SORCS1: variants seen among roughly 807,000 people sequenced by gnomAD.
SORCS1 encodes sortilin related VPS10 domain containing receptor 1, also known as VPS10 domain-containing receptor SorCS1.
A neutral mutation model predicts 146.1 loss-of-function variants in SORCS1; 60 were observed. The ratio of observed to expected loss-of-function variants is 0.41; its 90% CI spans 0.33 to 0.51. The LOEUF is 0.51. Among genes scored for constraint, SORCS1 ranks in the 20% least tolerant of loss-of-function variants. The pLI is 0.21. For missense variants in SORCS1, 1,352 were observed against 1,487.6 expected, an observed-to-expected ratio of 0.91 and a Z score of 1.50; for synonymous variants, 637 against 584.0, an observed-to-expected ratio of 1.09 and a Z score of -1.31.
At position 106,620,537 on chromosome 10, in the gene SORCS1, G is replaced by C. The variant is rs1362528668; in HGVS notation, c.2687C>G (p.Ser896Cys). The change falls in exon 20 of 26, where the codon TCT becomes TGT. Residue 896 changes from serine (S) to cysteine (C), a missense_variant. Ser to Cys is a moderately radical substitution (Grantham distance 112, BLOSUM62 -1). Around this residue, in one of 3 missense-constraint regions of SORCS1, gnomAD observed 648 missense variants for 793.8 expected, o/e 0.82. Transcript: ENST00000263054. Reference protein sequence around the residue: ...VTCPLEHVHLSLPFVTTKNKE... With the variant: ...VTCPLEHVHLCLPFVTTKNKE... The stretch of plus-strand genomic sequence containing the variant: ...GTTCTTTGTGGTGACAAAGGGAAGA[G>C]ACAGGTGCACGTGCTCCAAGGGACC... 1 of 1,614,070 alleles carries C rather than the reference G, an allele frequency of 6.2e-7. No homozygotes were observed.
chr10:107,081,898 G>T (rs188769981), intron 1 of SORCS1, among the ~76,000 whole-genome samples: 10 of 152,278 alleles, frequency 6.6e-5, no homozygotes, highest in Non-Finnish European at 1.5e-4. Context: ...GAAAGTGCTA[G>T]AAAAATTCTC....
chr10:107,019,620 G>C (rs1337330913), intron 1 of SORCS1, among the ~76,000 whole-genome samples: 1 of 152,172 alleles, frequency 6.6e-6, no homozygotes, highest in Non-Finnish European at 1.5e-5. Flanking sequence ...CCTTCTAGCA[G>C]GCAACCCATT....
intron 2 of SORCS1, among the ~76,000 whole-genome samples, chr10:106,939,075 A>C (rs1176586873): frequency 6.6e-6 from 1 of 152,232 alleles, no homozygotes; most frequent in Non-Finnish European, 1.5e-5. Flanking sequence ...TAGATTCCTA[A>C]TTGGGAGAAG....
At chr10:106,739,109 A>T (rs538208165) in intron 5 of SORCS1, among the ~76,000 whole-genome samples, 1 of 152,320 alleles carries the variant, frequency 6.6e-6, no homozygotes, top group East Asian at 1.9e-4. Flanking sequence ...GAAATAAAAG[A>T]ATCATGAGGC....
At chr10:106,809,148 TTTTG>T (rs1352784812) in intron 3 of SORCS1, among the ~76,000 whole-genome samples, 1 of 151,998 alleles carries the variant, frequency 6.6e-6, no homozygotes, top group Admixed American at 6.6e-5. Context: ...TTTTGTTTTG[TTTTG>T]TTTTTGTTTT....
At chr10:106,664,082 G>A (rs992651893) in intron 17 of SORCS1, among the ~76,000 whole-genome samples, 13 of 152,274 alleles carry the variant, frequency 8.5e-5, no homozygotes, top group Non-Finnish European at 2.9e-5. Flanking sequence ...AAAATCATTT[G>A]GGGTCAGATG....
At position 107,149,695 on chromosome 10, in the gene SORCS1, C is replaced by T. The variant is rs76449811; in HGVS notation, c.558+14274G>A. 3.6e-3 allele frequency among the ~76,000 whole-genome samples: 544 copies of T among 152,298 alleles called. 3 individuals are homozygous for T. The highest frequency in any genetic ancestry group is 0.012 in the African/African-American group (517 of 41,568). On this transcript the variant is annotated intron_variant, in intron 1 of 25. Transcript: ENST00000263054. ...ATTTATCTCTGAGAAAATCAGATTCCTTTGTCCAGTTTGAGGACAAGAACA... is the reference window on the plus strand; with the variant it reads ...ATTTATCTCTGAGAAAATCAGATTCTTTTGTCCAGTTTGAGGACAAGAACA...
rs144949012 is a variant in SORCS1 at position 107,032,814 on chromosome 10, A to G, written c.559-76234T>C. Reference sequence around the variant, plus strand: ...TAAGGCTCCTTCCCACCCTCTCTTCACTCTGCGCACTTAAACTACATGATA... The same window carrying G: ...TAAGGCTCCTTCCCACCCTCTCTTCGCTCTGCGCACTTAAACTACATGATA... On this transcript the variant is annotated intron_variant, in intron 1 of 25. Transcript: ENST00000263054. Among the ~76,000 whole-genome samples the G allele has an allele frequency of 9.3e-3, 1,413 of 152,114 alleles. 85 individuals are homozygous for G. Among genetic ancestry groups the G allele is most frequent in the Admixed American group, 0.083 (1,274 of 15,264 alleles).
At chr10:106,770,416 A>C (rs1285041660) in intron 4 of SORCS1, among the ~76,000 whole-genome samples, 1 of 152,134 alleles carries the variant, frequency 6.6e-6, no homozygotes. Context: ...AAACTGTCCT[A>C]AAAGTTTTAT....
chr10:107,009,091 A>G (rs1957579340), intron 1 of SORCS1, among the ~76,000 whole-genome samples: 1 of 152,232 alleles, frequency 6.6e-6, no homozygotes, highest in South Asian at 2.1e-4. Context: ...AAGATTTGTT[A>G]TTTGGTTAAA....
At chr10:107,061,552 C>T (rs573270354) in intron 1 of SORCS1, among the ~76,000 whole-genome samples, 2 of 152,274 alleles carry the variant, frequency 1.3e-5, no homozygotes, top group South Asian at 2.1e-4. Flanking sequence ...AAAAAGCCAA[C>T]ATTCTTCCCT....
chr10:106,680,572 G>C (rs890524962), intron 10 of SORCS1, among the ~76,000 whole-genome samples: 4 of 152,094 alleles, frequency 2.6e-5, no homozygotes, highest in African/African-American at 4.8e-5. Flanking sequence ...AAATGTAAGG[G>C]ACTTGTTTGT....
chr10:106,778,223 T>C (rs756707415), intron 3 of SORCS1, among the ~76,000 whole-genome samples: 12 of 152,124 alleles, frequency 7.9e-5, no homozygotes, highest in African/African-American at 1.2e-4. Context: ...TGCTGTTCTT[T>C]CAACCTCCCC....
In SORCS1 at chr10:106,688,212, C is replaced by T. The variant is rs760008969; in HGVS notation, c.1540G>A (p.Asp514Asn). ...LQAPDTDLRG[D>N]PVHCLLPYCS... is the part of the protein sequence containing the mutation. The stretch of plus-strand genomic sequence containing the variant: ...CTCACCAGCAAGCAGTGCACGGGGT[C>T]CCCCCTTAGATCCGTGTCCGGCGCC... The change falls in exon 10 of 26, where the codon GAC becomes AAC. Residue 514 changes from aspartate to asparagine, a missense_variant. Physicochemically the swap from Asp to Asn is conservative, Grantham distance 23 (BLOSUM62 1). This residue lies in a region of SORCS1 where 648 missense variants were observed against 793.8 expected (regional missense o/e 0.82). Transcript: ENST00000263054. 1 of 1,613,774 alleles carries T rather than the reference C, an allele frequency of 6.2e-7. No homozygotes were observed. Among genetic ancestry groups the T allele is most frequent in the Middle Eastern group, 1.7e-4 (1 of 6,058 alleles).
intron 8 of SORCS1, among the ~76,000 whole-genome samples, chr10:106,699,657 T>G (rs1444254290): frequency 6.6e-6 from 1 of 152,200 alleles, no homozygotes. Flanking sequence ...ATTACATAAT[T>G]CGAAAAATGC....
At chr10:107,056,141 A>G (rs61867225) in intron 1 of SORCS1, among the ~76,000 whole-genome samples, 25,868 of 152,184 alleles carry the variant, frequency 0.17, 2,448 homozygotes, top group Non-Finnish European at 0.2. Flanking sequence ...CTTCAATCAC[A>G]ATAAACGTCC....
chr10:107,165,122 T>G (rs1590287994), upstream of SORCS1, among the ~76,000 whole-genome samples: 1 of 152,258 alleles, frequency 6.6e-6, no homozygotes, highest in East Asian at 1.9e-4. The surrounding 1 kb of genome is among the most constrained non-coding windows in gnomAD (Gnocchi z 4.0). Context: ...CTTTCTGGTC[T>G]TTTCTAGTTG....
chr10:106,628,607 T>A (rs202180934), intron 19 of SORCS1, among the ~76,000 whole-genome samples: 2 of 152,330 alleles, frequency 1.3e-5, no homozygotes, highest in East Asian at 3.9e-4. Context: ...GCTTTAGCAT[T>A]TCTTGGAACT....
intron 2 of SORCS1, among the ~76,000 whole-genome samples, chr10:106,868,301 T>C (rs1239197628): frequency 6.6e-6 from 1 of 152,098 alleles, no homozygotes; most frequent in African/African-American, 2.4e-5. Context: ...GGGAGAAAAT[T>C]AACAAGGATA....
Sources: allele counts gnomAD v4.1 joint callset (sites outside exome capture counted in the v4.1 genomes callset), GRCh38; gene constraint gnomAD v4.1.1; regional missense constraint gnomAD v4.1.1; non-coding constraint Gnocchi (gnomAD v3.1); transcripts MANE v1.5; gene names NCBI Gene and HGNC (gene_info 2026-07-23, HGNC 2026-07-21).